TACC2: variants seen among roughly 807,000 people sequenced by gnomAD.
The protein encoded by TACC2 is transforming acidic coiled-coil containing protein 2.
In TACC2, 137 loss-of-function variants were observed where a neutral mutation model predicts 227.3. That is an observed-to-expected ratio of 0.60 (90% CI 0.52 to 0.69). The LOEUF (loss-of-function observed/expected upper bound fraction) is 0.69, where lower values mean the gene tolerates loss of function less well. Ranked by LOEUF, TACC2 falls within the 30% of genes least tolerant of loss-of-function variation. The pLI is 0.00. For missense variants in TACC2, 3,470 were observed against 3,694.4 expected, an observed-to-expected ratio of 0.94 and a Z score of 1.57; for synonymous variants, 1,523 against 1,487.5, an observed-to-expected ratio of 1.02 and a Z score of -0.55.
At chr10:121,997,514 T>C (rs1953684309) in intron 1 of TACC2, among the ~76,000 whole-genome samples, 1 of 151,910 alleles carries the variant, frequency 6.6e-6, no homozygotes, top group Non-Finnish European at 1.5e-5. Context: ...ATTAGCAGGG[T>C]CTAAGAGGTG....
rs764606729 is a variant in TACC2, at chr10:122,122,026, A to G, written c.5574-10583A>G. Among the ~76,000 whole-genome samples, 93 of 152,190 alleles carry G rather than the reference A, an allele frequency of 6.1e-4. 2 individuals are homozygous for G. The highest frequency in any genetic ancestry group is 1.2e-3 in the Non-Finnish European group (81 of 68,028). ...CATGGGTCTCTTTGCCAAGTCGCTTAATTCCTTGAGTCTCGATCTCCTCTC... is the reference window on the plus strand; with the variant it reads ...CATGGGTCTCTTTGCCAAGTCGCTTGATTCCTTGAGTCTCGATCTCCTCTC... On this transcript the variant is annotated intron_variant, in intron 5 of 22. Transcript: ENST00000369005.
intron 3 of TACC2, among the ~76,000 whole-genome samples, chr10:122,058,501 C>A (rs930519153): frequency 2.0e-5 from 3 of 152,148 alleles, no homozygotes; most frequent in Non-Finnish European, 4.4e-5. Flanking sequence ...CTCCACCTCC[C>A]GGGTTCAAGT....
rs2091882716 is a variant in TACC2 at position 122,150,110 on chromosome 10, C to T, written c.5834+6404C>T. ...GTGGGCCCAGGTCTGCAGTTCTTTT[C>T]CTCCTTCTGGGAGGGGAGGGGAAGG... On this transcript the variant is annotated intron_variant, in intron 7 of 22. Coordinates refer to ENST00000369005, the MANE Select transcript of TACC2 (RefSeq NM_206862.4). This position sits in a 1 kb window ranked among gnomAD's most constrained non-coding sequence, Gnocchi z 4.0. Among the ~76,000 whole-genome samples, 1 of 152,148 alleles carries T rather than the reference C, an allele frequency of 6.6e-6. No individual in the cohort carries two copies. Among genetic ancestry groups the T allele is most frequent in the South Asian group, 2.1e-4 (1 of 4,826 alleles).
At chr10:122,110,835 C>G (rs554626607) in intron 5 of TACC2, among the ~76,000 whole-genome samples, 1 of 152,184 alleles carries the variant, frequency 6.6e-6, no homozygotes, top group African/African-American at 2.4e-5. Flanking sequence ...ATTTATTTTA[C>G]TAGGAGCTGT....
chr10:122,203,751 G>A (rs887158246), intron 8 of TACC2, among the ~76,000 whole-genome samples: 2 of 152,100 alleles, frequency 1.3e-5, no homozygotes, highest in African/African-American at 2.4e-5. Flanking sequence ...CTTCCCAGAC[G>A]GGGTGGCGGC....
chr10:122,178,231 C>T (rs897120708), intron 7 of TACC2, among the ~76,000 whole-genome samples: 2 of 134,142 alleles, frequency 1.5e-5, no homozygotes, highest in South Asian at 2.2e-4. Context: ...GGGTTTTTTT[C>T]TTTCTTTCTT....
At chr10:122,163,845 G>T in intron 7 of TACC2, 6 of 1,486,258 alleles carry the variant, frequency 4.0e-6, no homozygotes, top group Non-Finnish European at 5.4e-6. Context: ...CGGCCGGCTC[G>T]CCCCGGCTCC....
chr10:122,053,088 G>A (rs1186914624), intron 3 of TACC2, among the ~76,000 whole-genome samples: 1 of 152,168 alleles, frequency 6.6e-6, no homozygotes, highest in East Asian at 1.9e-4. Flanking sequence ...TGGTGGGTAT[G>A]CCAAGTGTAT....
chr10:122,068,060 G>T (rs1235151454), intron 3 of TACC2, among the ~76,000 whole-genome samples: 1 of 151,794 alleles, frequency 6.6e-6, no homozygotes, highest in Non-Finnish European at 1.5e-5. Context: ...CATTTTTATC[G>T]CTATATCTTG....
chr10:122,226,718 C>T (rs1372781522), intron 13 of TACC2, among the ~76,000 whole-genome samples: 1 of 152,038 alleles, frequency 6.6e-6, no homozygotes, highest in East Asian at 1.9e-4. Flanking sequence ...GGATTATAGG[C>T]ATGAGCCACA....
In TACC2 at chr10:122,021,956, G is replaced by C. The variant is rs1320471019; in HGVS notation, c.-26G>C. ...TTCCAGTCACCTCTGACAAAATTCT[G>C]GGGACGCTGGGAACACTGAATCAAC... On this transcript the variant is annotated 5_prime_UTR_variant, in exon 2 of 23. Coordinates refer to ENST00000369005, the MANE Select transcript of TACC2 (RefSeq NM_206862.4). The C allele has an allele frequency of 1.9e-6, 3 of 1,613,600 alleles. No individual in the cohort carries two copies. Among genetic ancestry groups the C allele is most frequent in the Non-Finnish European group, 2.5e-6 (3 of 1,179,632 alleles).
At chr10:122,252,094 G>T (rs921109188) in intron 22 of TACC2, among the ~76,000 whole-genome samples, 7 of 152,220 alleles carry the variant, frequency 4.6e-5, no homozygotes, top group African/African-American at 2.4e-5. Flanking sequence ...GGCTGATGAC[G>T]CCAAGAGAGA....
chr10:122,214,941 C>T (rs1394056923), intron 9 of TACC2, among the ~76,000 whole-genome samples: 1 of 152,042 alleles, frequency 6.6e-6, no homozygotes, highest in Non-Finnish European at 1.5e-5. Flanking sequence ...TCTATTTCTG[C>T]GTGGCCCCCT....
chr10:122,085,699 A>T lies in TACC2; in HGVS notation c.3199A>T (p.Ser1067Cys). 1 of 1,613,728 alleles carries T rather than the reference A, an allele frequency of 6.2e-7. No homozygotes were observed. Among genetic ancestry groups the T allele is most frequent in the Non-Finnish European group, 8.5e-7 (1 of 1,180,016 alleles). The stretch of plus-strand genomic sequence containing the variant: ...CTGCCTGCCAGCCCTGGCGCCCGCC[A>T]GCCCCGGAGTCACACCCACCCAGGA... ...VPCLPALAPA[S>C]PGVTPTQDAP... The change falls in exon 4 of 23, where the codon AGC (serine) becomes TGC (cysteine). Residue 1067 changes from serine to cysteine, a missense_variant. Transcript: ENST00000369005.
chr10:122,138,473 G>T (rs1049031593), intron 6 of TACC2, among the ~76,000 whole-genome samples: 3 of 152,204 alleles, frequency 2.0e-5, no homozygotes, highest in Admixed American at 6.5e-5. Flanking sequence ...TCGTGCCATT[G>T]TACTCTAGCC....
chr10:122,224,303 G>A (rs2095579815), intron 11 of TACC2, among the ~76,000 whole-genome samples: 1 of 152,192 alleles, frequency 6.6e-6, no homozygotes, highest in South Asian at 2.1e-4. Context: ...AGAGGGACAA[G>A]TAAGGGTCCA....
chr10:122,179,329 AT>A (rs1185710650), intron 7 of TACC2, among the ~76,000 whole-genome samples: 3 of 152,252 alleles, frequency 2.0e-5, no homozygotes, highest in African/African-American at 7.2e-5. Context: ...TAAACCACTG[AT>A]TATGGCTCTG....
At position 122,050,545 on chromosome 10, in the gene TACC2, G is replaced by A. The variant is rs11200367; in HGVS notation, c.141G>A (p.Ala47=). 152,688 of 1,612,208 alleles carry A rather than the reference G, an allele frequency of 0.095. 8,961 individuals are homozygous for A. Among genetic ancestry groups the A allele is most frequent in the Admixed American group, 0.26 (15,799 of 59,932 alleles). Residue 47 remains alanine (A), a synonymous_variant, in exon 3 of 23, where the codon GCG becomes GCA. Coordinates refer to ENST00000369005, the MANE Select transcript of TACC2 (RefSeq NM_206862.4). The surrounding 1 kb of genome is among the most constrained non-coding windows in gnomAD (Gnocchi z 4.6). ...CCGGAAGCCCTGACCACAGAGACGC[G>A]TCCAGGTAGGAGGCCAGCTCTGGAG... The part of the protein sequence containing the change: ...DTPGSPDHRD[A]SSIGSVGLGG...
chr10:122,166,488 G>C (rs966672310), intron 7 of TACC2, among the ~76,000 whole-genome samples: 5 of 152,028 alleles, frequency 3.3e-5, no homozygotes, highest in African/African-American at 4.8e-5. Flanking sequence ...AAGTCCCATG[G>C]GACTGGGGAT....
Sources: gnomAD v4.1 joint callset for allele counts (sites outside exome capture counted in the v4.1 genomes callset) on GRCh38, gnomAD v4.1.1 for gene constraint, Gnocchi (gnomAD v3.1) non-coding constraint, MANE v1.5 for transcripts, NCBI Gene and HGNC (gene_info 2026-07-23, HGNC 2026-07-21) for gene names.